The following PACC1 variants were observed in gnomAD, a reference collection of about 807,000 sequenced individuals.
The protein encoded by PACC1 is proton activated chloride channel 1, also known as proton-activated chloride channel.
Under a neutral mutation model 39.7 loss-of-function variants are expected in PACC1, and 34 were observed. The observed-to-expected ratio is 0.86, with a 90% CI of 0.65 to 1.14. The LOEUF (loss-of-function observed/expected upper bound fraction) is 1.14, where lower values mean the gene tolerates loss of function less well. Ranked by LOEUF, PACC1 falls within the 50% of genes most tolerant of loss-of-function variation. The pLI is 0.00. For missense variants in PACC1, 379 were observed against 436.4 expected, an observed-to-expected ratio of 0.87 and a Z score of 1.17; for synonymous variants, 127 against 160.6, an observed-to-expected ratio of 0.79 and a Z score of 1.58.
At chr1:212,390,621 T>A (rs917911405) in intron 2 of PACC1, among the ~76,000 whole-genome samples, 1 of 151,408 alleles carries the variant, frequency 6.6e-6, no homozygotes, top group Non-Finnish European at 1.5e-5. Flanking sequence ...GCGCACCGAG[T>A]GTGAGCTGAA....
chr1:212,372,316 A>C (rs759972339), intron 7 of PACC1, among the ~76,000 whole-genome samples: 2 of 151,936 alleles, frequency 1.3e-5, no homozygotes, highest in East Asian at 1.9e-4. Flanking sequence ...AAACAAAAAA[A>C]AAACAAAAAA....
At chr1:212,392,621 G>A (rs1360089820) in intron 2 of PACC1, among the ~76,000 whole-genome samples, 2 of 152,178 alleles carry the variant, frequency 1.3e-5, no homozygotes, top group Non-Finnish European at 2.9e-5. Context: ...TGGGCTAAAT[G>A]CTCCAATTAA....
At chr1:212,369,535 C>T (rs568339990) in intron 7 of PACC1, among the ~76,000 whole-genome samples, 16 of 152,296 alleles carry the variant, frequency 1.1e-4, no homozygotes, top group Admixed American at 8.5e-4. Flanking sequence ...AATCCCAGCA[C>T]TTTGGGAGGC....
At chr1:212,383,270 T>C (rs6657771) in intron 4 of PACC1, among the ~76,000 whole-genome samples, 6,747 of 152,244 alleles carry the variant, frequency 0.044, 470 homozygotes, top group African/African-American at 0.15. Flanking sequence ...TATGTAACTA[T>C]TGTAACAAGT....
intron 7 of PACC1, among the ~76,000 whole-genome samples, chr1:212,366,374 C>T (rs1384460629): frequency 7.3e-6 from 1 of 137,652 alleles, no homozygotes; most frequent in East Asian, 2.1e-4. Context: ...GATCTCAGTT[C>T]ACTGCAACCT....
chr1:212,407,386 A>G (rs1339804710), intron 2 of PACC1, among the ~76,000 whole-genome samples: 2 of 152,252 alleles, frequency 1.3e-5, no homozygotes, highest in Non-Finnish European at 1.5e-5. Flanking sequence ...GCTTAATTTT[A>G]GCCCAGTGAG....
At chr1:212,389,359 A>G (rs2102504700) in intron 2 of PACC1, among the ~76,000 whole-genome samples, 2 of 152,376 alleles carry the variant, frequency 1.3e-5, no homozygotes, top group East Asian at 3.9e-4. Flanking sequence ...GGAAATTGAA[A>G]GAACTGCATG....
intron 2 of PACC1, among the ~76,000 whole-genome samples, chr1:212,395,421 T>C (rs2102518105): frequency 6.6e-6 from 1 of 152,302 alleles, no homozygotes; most frequent in East Asian, 1.9e-4. Flanking sequence ...CCTTACACTG[T>C]ATACAAAAAT....
chr1:212,394,189 T>A (rs1324602342), intron 2 of PACC1, among the ~76,000 whole-genome samples: 2 of 152,294 alleles, frequency 1.3e-5, no homozygotes, highest in East Asian at 3.9e-4. Context: ...AAATCCTCAA[T>A]AAAACACTGG....
At chr1:212,412,827 A>G (rs1662186872) in intron 1 of PACC1, among the ~76,000 whole-genome samples, 1 of 152,206 alleles carries the variant, frequency 6.6e-6, no homozygotes, top group Non-Finnish European at 1.5e-5. Context: ...AAGAGCTATC[A>G]TTCACTGTGG....
intron 4 of PACC1, 27 bp downstream of exon 4, chr1:212,385,247 G>T: frequency 1.2e-6 from 2 of 1,613,252 alleles, no homozygotes; most frequent in South Asian, 2.2e-5. Context: ...CAGCTGCCCA[G>T]ACCCAGCTCA....
intron 7 of PACC1, among the ~76,000 whole-genome samples, chr1:212,371,403 T>A (rs1660452466): frequency 6.6e-6 from 1 of 151,428 alleles, no homozygotes; most frequent in Admixed American, 6.6e-5. Context: ...ATATAAAGGA[T>A]CATTAGAGAC....
chr1:212,365,711 A>G (rs1252905918), intron 7 of PACC1, among the ~76,000 whole-genome samples: 1 of 152,208 alleles, frequency 6.6e-6, no homozygotes, highest in Non-Finnish European at 1.5e-5. Flanking sequence ...CATTCAGACT[A>G]TACTTTTAAT....
chr1:212,391,274 G>T (rs1440314923), intron 2 of PACC1, among the ~76,000 whole-genome samples: 1 of 152,184 alleles, frequency 6.6e-6, no homozygotes, highest in Non-Finnish European at 1.5e-5. Context: ...AGCAACATTG[G>T]CTGTTCATCA....
chr1:212,380,739 C>G (rs1660847206), intron 4 of PACC1, among the ~76,000 whole-genome samples: 1 of 152,186 alleles, frequency 6.6e-6, no homozygotes, highest in Admixed American at 6.5e-5. Flanking sequence ...CTGTCCAGTA[C>G]TGTGCCACTT....
intron 4 of PACC1, among the ~76,000 whole-genome samples, chr1:212,382,044 GTT>G (rs58216111): frequency 4.1e-5 from 6 of 147,090 alleles, no homozygotes; most frequent in Admixed American, 1.3e-4. Context: ...GAGTGTTCTT[GTT>G]TTTTTTTTTT....
chr1:212,396,665 A>ATT (rs1661530578), intron 2 of PACC1, among the ~76,000 whole-genome samples: 1 of 151,088 alleles, frequency 6.6e-6, no homozygotes, highest in Non-Finnish European at 1.5e-5. Flanking sequence ...CAACTTACAG[A>ATT]TCCAAGAAGC....
chr1:212,377,406 A>G (rs1039227216), intron 6 of PACC1, among the ~76,000 whole-genome samples, 156 bp downstream of exon 6: 1 of 152,226 alleles, frequency 6.6e-6, no homozygotes, highest in Non-Finnish European at 1.5e-5. Flanking sequence ...GGCATAGCAT[A>G]TGAAGCCCTC....
At chr1:212,411,855 G>A (rs112572946) in intron 1 of PACC1, among the ~76,000 whole-genome samples, 1 of 152,142 alleles carries the variant, frequency 6.6e-6, no homozygotes, top group Non-Finnish European at 1.5e-5. Flanking sequence ...AAGGCCAGGT[G>A]CGGGGCCTGA....
Sources: allele counts gnomAD v4.1 joint callset (sites outside exome capture counted in the v4.1 genomes callset), GRCh38; gene constraint gnomAD v4.1.1; transcripts MANE v1.5; gene names NCBI Gene and HGNC (gene_info 2026-07-23, HGNC 2026-07-21).